SV2C: variants seen among roughly 807,000 people sequenced by gnomAD.
The protein encoded by SV2C is solute carrier family 22 member B3.
A neutral mutation model predicts 79.7 loss-of-function variants in SV2C; 49 were observed. That is an observed-to-expected ratio of 0.61 (90% CI 0.49 to 0.78). The LOEUF is 0.78. Among genes scored for constraint, SV2C ranks in the 30% least tolerant of loss-of-function variants. The pLI, the probability that SV2C is intolerant of heterozygous loss-of-function variation, is 0.00. For synonymous variants in SV2C, 334 were observed against 333.2 expected, an observed-to-expected ratio of 1.00 and a Z score of -0.03; for missense variants, 833 against 912.9, an observed-to-expected ratio of 0.91 and a Z score of 1.13.
the SV2C span, among the ~76,000 whole-genome samples, chr5:75,929,943 C>A: frequency 1.3e-5 from 2 of 152,164 alleles, no homozygotes; most frequent in Non-Finnish European, 2.9e-5. Flanking sequence ...CTTTTGCTGT[C>A]AAAGTCCTAT....
chr5:76,302,833 G>GAAGT lies in SV2C; in HGVS notation c.2000+1289_2000+1292dup, dbSNP rs1471738942. On this transcript the variant is annotated intron_variant, in intron 12 of 12. Transcript: ENST00000502798. ...ACCACTCCTGTGCTATGTTGCCATA[G>GAAGT]AAGTCCTCTGTGCCAGAGGGTGGAG... 4.6e-5 allele frequency among the ~76,000 whole-genome samples: 7 copies of GAAGT among 152,008 alleles called. No individual in the cohort carries two copies. The South Asian group carries it at 1.3e-3, about 27-fold the overall frequency.
chr5:76,344,739 ATTATT>A (rs1335106514), intron 12 of SV2C, among the ~76,000 whole-genome samples: 1 of 152,210 alleles, frequency 6.6e-6, no homozygotes, highest in African/African-American at 2.4e-5. Context: ...TTTTTAAAAA[ATTATT>A]TTATGACATA....
chr5:76,317,020 T>C (rs896027479), intron 12 of SV2C, among the ~76,000 whole-genome samples: 4 of 151,398 alleles, frequency 2.6e-5, no homozygotes, highest in African/African-American at 9.7e-5. Context: ...AGATATTTAA[T>C]GAATGATTAT....
At chr5:76,024,443 A>G in the SV2C span, among the ~76,000 whole-genome samples, 1 of 152,042 alleles carries the variant, frequency 6.6e-6, no homozygotes, top group Admixed American at 6.6e-5. Context: ...TTTGCTTTTC[A>G]TGTTCCATGA....
the SV2C span, among the ~76,000 whole-genome samples, chr5:75,964,800 C>A: frequency 1.3e-5 from 2 of 152,062 alleles, no homozygotes; most frequent in Admixed American, 1.3e-4. Flanking sequence ...CTTTTACTAC[C>A]ATATTAATGG....
the SV2C span, among the ~76,000 whole-genome samples, chr5:75,854,611 A>T: frequency 6.6e-6 from 1 of 152,156 alleles, no homozygotes; most frequent in Non-Finnish European, 1.5e-5. Context: ...TATTCTGCAC[A>T]TAAGTCCTCT....
intron 12 of SV2C, among the ~76,000 whole-genome samples, chr5:76,322,684 C>G (rs773341032): frequency 2.8e-4 from 43 of 152,304 alleles, no homozygotes; most frequent in Middle Eastern, 3.4e-3. Flanking sequence ...GGTACCAAAA[C>G]AGACATATAG....
In SV2C at chr5:76,325,602, C is replaced by A. The variant is rs1748972254; in HGVS notation, c.*55C>A. 6.3e-7 allele frequency: 1 copy of A among 1,594,182 alleles called. No individual in the cohort carries two copies. The highest frequency in any genetic ancestry group is 1.4e-5 in the African/African-American group (1 of 73,998). On this transcript the variant is annotated 3_prime_UTR_variant, in exon 13 of 13. Transcript: ENST00000502798. Reference sequence around the variant, plus strand: ...CTTCCTCCTGCCCTGGGTCAATTCTCCTTCCTGACTCAAGGCTTCAGAGTT... The same window carrying A: ...CTTCCTCCTGCCCTGGGTCAATTCTACTTCCTGACTCAAGGCTTCAGAGTT...
chr5:76,111,154 C>A (rs1748082764), intron 1 of SV2C, among the ~76,000 whole-genome samples: 1 of 152,082 alleles, frequency 6.6e-6, no homozygotes, highest in Non-Finnish European at 1.5e-5. Flanking sequence ...GTGTTATGCA[C>A]CAGGTGAGGA....
chr5:75,949,840 G>A, the SV2C span, among the ~76,000 whole-genome samples: 1 of 152,004 alleles, frequency 6.6e-6, no homozygotes, highest in Non-Finnish European at 1.5e-5. Flanking sequence ...GGTGATAACT[G>A]AACCAAAGTG....
the SV2C span, among the ~76,000 whole-genome samples, chr5:75,876,908 T>C: frequency 6.6e-6 from 1 of 151,746 alleles, no homozygotes; most frequent in Non-Finnish European, 1.5e-5. Flanking sequence ...ACATGAAACA[T>C]ATAATAAACA....
intron 2 of SV2C, among the ~76,000 whole-genome samples, chr5:76,157,501 A>G (rs1382092177): frequency 6.6e-6 from 1 of 152,058 alleles, no homozygotes; most frequent in Non-Finnish European, 1.5e-5. Context: ...AAAAGACAGT[A>G]TTAATGGATA....
At chr5:76,344,884 T>C (rs1380127021) in intron 12 of SV2C, among the ~76,000 whole-genome samples, 1 of 152,184 alleles carries the variant, frequency 6.6e-6, no homozygotes, top group Non-Finnish European at 1.5e-5. Flanking sequence ...ATTGCATAGA[T>C]GAGGAAACTG....
At chr5:76,220,871 A>G (rs1745046787) in intron 4 of SV2C, among the ~76,000 whole-genome samples, 1 of 152,150 alleles carries the variant, frequency 6.6e-6, no homozygotes, top group Non-Finnish European at 1.5e-5. Context: ...ATTCATAAGG[A>G]TATGTCTGTA....
chr5:75,903,144 C>T, the SV2C span, among the ~76,000 whole-genome samples: 16 of 152,164 alleles, frequency 1.1e-4, 1 homozygote, highest in Non-Finnish European at 2.4e-4. Flanking sequence ...ATACTTGTCT[C>T]TCTTATTCCA....
At chr5:76,057,125 T>G in the SV2C span, among the ~76,000 whole-genome samples, 88,420 of 151,940 alleles carry the variant, frequency 0.58, 27,768 homozygotes, top group African/African-American at 0.82. Flanking sequence ...TCTGATGTGG[T>G]CATTTGGTGC....
chr5:76,205,492 G>C (rs1404951048), intron 3 of SV2C, among the ~76,000 whole-genome samples: 1 of 151,912 alleles, frequency 6.6e-6, no homozygotes, highest in Non-Finnish European at 1.5e-5. Context: ...TAATAAAATA[G>C]ACTTAATATC....
At chr5:76,307,613 T>C (rs1015224186) in intron 12 of SV2C, among the ~76,000 whole-genome samples, 1 of 152,214 alleles carries the variant, frequency 6.6e-6, no homozygotes, top group Admixed American at 6.5e-5. Context: ...TTTTCAGTGC[T>C]GCCCTTTTTC....
At chr5:76,261,622 T>C (rs13360754) in intron 4 of SV2C, among the ~76,000 whole-genome samples, 16,419 of 152,232 alleles carry the variant, frequency 0.11, 989 homozygotes, top group South Asian at 0.17. Flanking sequence ...GTTCCACCAA[T>C]ACCTAGTTTA....
Sources: gnomAD v4.1 joint callset for allele counts (sites outside exome capture counted in the v4.1 genomes callset) on GRCh38, gnomAD v4.1.1 for gene constraint, MANE v1.5 for transcripts, NCBI Gene and HGNC (gene_info 2026-07-23, HGNC 2026-07-21) for gene names.